PDIA6: variants seen among roughly 807,000 people sequenced by gnomAD.
The protein encoded by PDIA6 is protein disulfide-isomerase A6.
In PDIA6, 29 loss-of-function variants were observed where a neutral mutation model predicts 58.4. The ratio of observed to expected loss-of-function variants is 0.50; its 90% CI spans 0.37 to 0.68. The LOEUF (loss-of-function observed/expected upper bound fraction) is 0.68. Ranked by LOEUF, PDIA6 falls within the 30% of genes least tolerant of loss-of-function variation. The pLI is 0.00. For missense variants in PDIA6, 480 were observed against 551.0 expected (o/e 0.87, Z 1.29); for synonymous variants, 192 against 202.6 (o/e 0.95, Z 0.44).
chr2:10,829,753 T>C (rs1433870105), intron 1 of PDIA6, among the ~76,000 whole-genome samples: 2 of 152,240 alleles, frequency 1.3e-5, no homozygotes, highest in East Asian at 1.9e-4. Flanking sequence ...ATATTGACAC[T>C]GTACGTGATT....
intron 2 of PDIA6, chr2:10,819,267 T>A: frequency 6.7e-7 from 1 of 1,502,644 alleles, no homozygotes; most frequent in Non-Finnish European, 9.1e-7. Flanking sequence ...GAGTTTCCTC[T>A]ACTTACCGGG....
At chr2:10,827,822 T>TAAAA (rs1667591328) in intron 1 of PDIA6, among the ~76,000 whole-genome samples, 1 of 65,880 alleles carries the variant, frequency 1.5e-5, no homozygotes, top group African/African-American at 5.6e-5. Context: ...CGACTCTGTC[T>TAAAA]CAAAAAAAAA....
intron 1 of PDIA6, among the ~76,000 whole-genome samples, chr2:10,806,624 A>AAGAGAGAGAGAGAGAG (rs1553339911): frequency 7.2e-6 from 1 of 139,676 alleles, no homozygotes; most frequent in African/African-American, 2.5e-5. Context: ...CTAAAAAATA[A>AAGAGAGAGAGAGAGAG]AGACAGAAAG....
exon 1 of PDIA6, chr2:10,832,299 A>G: frequency 1.9e-6 from 1 of 538,590 alleles, no homozygotes; most frequent in African/African-American, 2.1e-5. Flanking sequence ...AATGCCCATC[A>G]GCAGTGGAAG....
chr2:10,832,505 CCGCAAGGGGG>C, upstream of PDIA6: 1 of 895,442 alleles, frequency 1.1e-6, no homozygotes, highest in South Asian at 5.1e-5. Context: ...CAGGAAGTGA[CCGCAAGGGGG>C]CGCTCTGCCC....
In PDIA6 at chr2:10,830,746, G is replaced by A. The variant is rs1224228828; in HGVS notation, c.-48+1456C>T. On this transcript the variant is annotated intron_variant, in intron 1 of 13. Transcript: ENST00000381611. Reference sequence around the variant, plus strand: ...AACTGAACTGCCCCTCCAGGCCCTCGGGTCACCCCCTGCGCGGGCGTGGCT... The same window carrying A: ...AACTGAACTGCCCCTCCAGGCCCTCAGGTCACCCCCTGCGCGGGCGTGGCT... Among the ~76,000 whole-genome samples, 5 of 152,304 alleles carry A rather than the reference G, an allele frequency of 3.3e-5. No homozygotes were observed. In the East Asian group the frequency reaches 7.7e-4, roughly 24 times the overall value.
intron 1 of PDIA6, chr2:10,821,171 C>T (rs7571007): frequency 0.13 from 35,382 of 276,330 alleles, 2,668 homozygotes; most frequent in Non-Finnish European, 0.16. Context: ...CCTTCCTTCC[C>T]CCTCTCTTAC....
At chr2:10,796,670 A>G (rs1276765818) in intron 4 of PDIA6, among the ~76,000 whole-genome samples, 1 of 146,554 alleles carries the variant, frequency 6.8e-6, no homozygotes, top group Non-Finnish European at 1.5e-5. Flanking sequence ...TATTATTGAC[A>G]GTTTAGGAGA....
upstream of PDIA6, among the ~76,000 whole-genome samples, chr2:10,835,887 C>G (rs1667822633): frequency 6.6e-6 from 1 of 152,150 alleles, no homozygotes; most frequent in African/African-American, 2.4e-5. Context: ...CCCGTCTCTA[C>G]TAAAAATACA....
At position 10,788,901 on chromosome 2, in the gene PDIA6, A is replaced by G. The variant is rs143264920; in HGVS notation, c.921T>C (p.Asp307=). 29 of 1,612,592 alleles carry G rather than the reference A, an allele frequency of 1.8e-5. No homozygotes were observed. The highest frequency in any genetic ancestry group is 1.6e-4 in the Middle Eastern group (1 of 6,062). ...CVVAVLPHIL[D]TGAAGRNSYL... ...AATCATTTCCGTCTGTCTTACCAGT[A>G]TCAAGGATATGGGGCAGCACAGCCA... The change falls in exon 9 of 13, where the codon GAT becomes GAC. Residue 307 remains aspartate (D), a synonymous_variant. Coordinates refer to ENST00000272227, the MANE Select transcript of PDIA6 (RefSeq NM_005742.4).
upstream of PDIA6, among the ~76,000 whole-genome samples, chr2:10,813,373 G>A (rs927853507): frequency 1.3e-5 from 2 of 152,214 alleles, no homozygotes; most frequent in African/African-American, 4.8e-5. Flanking sequence ...AGAACCCCAG[G>A]GACTTAAGCG....
intron 7 of PDIA6, 23 bp downstream of exon 7, chr2:10,790,696 A>T (rs1485535821): frequency 6.6e-7 from 1 of 1,511,996 alleles, no homozygotes; most frequent in Non-Finnish European, 9.2e-7. Flanking sequence ...TCACAATGAA[A>T]TGAGCCTTAT....
upstream of PDIA6, among the ~76,000 whole-genome samples, chr2:10,834,764 T>C (rs989884170): frequency 1.8e-5 from 2 of 112,754 alleles, no homozygotes; most frequent in African/African-American, 3.3e-5. Flanking sequence ...CCTTCCTTCC[T>C]TCCTTCCTTC....
In PDIA6 at chr2:10,791,859, C is replaced by G. The variant is rs1327024954; in HGVS notation, c.520G>C (p.Val174Leu). 2 of 1,614,158 alleles carry G rather than the reference C, an allele frequency of 1.2e-6. No individual in the cohort carries two copies. The highest frequency in any genetic ancestry group is 8.5e-7 in the Non-Finnish European group (1 of 1,179,972). ...ATCCAAACATCTTCACTGTCCAGAACATTCTTATCAAAGCTGTCGTCTGTC... is the reference window on the plus strand; with the variant it reads ...ATCCAAACATCTTCACTGTCCAGAAGATTCTTATCAAAGCTGTCGTCTGTC... The part of the protein sequence containing the change: ...ELTDDSFDKN[V>L]LDSEDVWMVE... Residue 174 changes from valine (V) to leucine (L), a missense_variant, in exon 6 of 13, where the codon GTT becomes CTT. Physicochemically the swap from Val to Leu is conservative, Grantham distance 32 (BLOSUM62 1). Transcript: ENST00000272227.
chr2:10,793,024 C>T (rs931946652), intron 5 of PDIA6, 72 bp downstream of exon 5: 20 of 951,182 alleles, frequency 2.1e-5, no homozygotes, highest in Middle Eastern at 2.1e-4. Flanking sequence ...TAAAAAACAA[C>T]TATCTTATAC....
intron 6 of PDIA6, among the ~76,000 whole-genome samples, 177 bp downstream of exon 6, chr2:10,791,618 A>G (rs1424733621): frequency 6.6e-6 from 1 of 152,238 alleles, no homozygotes; most frequent in Non-Finnish European, 1.5e-5. Flanking sequence ...ATCTTTGGCA[A>G]TAGGAGAGTG....
At chr2:10,803,911 G>GTTT (rs754643092) in intron 1 of PDIA6, among the ~76,000 whole-genome samples, 2 of 117,906 alleles carry the variant, frequency 1.7e-5, no homozygotes, top group South Asian at 3.2e-4. Context: ...TAGTTTTTGT[G>GTTT]TTTTTTTTTT....
rs1553339909 is a variant in PDIA6, at chr2:10,806,622, T to TAAAGACAAAGAAAGACAG, written c.20-3983_20-3982insCTGTCTTTCTTTGTCTTT. Among the ~76,000 whole-genome samples, 3 of 48,750 alleles carry TAAAGACAAAGAAAGACAG rather than the reference T, an allele frequency of 6.2e-5. No homozygotes were observed. In the Admixed American group the frequency reaches 7.6e-4, roughly 12 times the overall value. 32.0% of individuals were successfully genotyped at this position (48,750 alleles called of 152,430 possible). On this transcript the variant is annotated intron_variant, in intron 1 of 12. Transcript: ENST00000272227. The stretch of plus-strand genomic sequence containing the variant: ...TAGCAAAACCACATCTCCTAAAAAA[T>TAAAGACAAAGAAAGACAG]AAAGACAGAAAGAAAGAAAGAAAGA...
At chr2:10,815,157 CGGAAATGCACAGGCTTCT>C (rs1454497042), upstream of PDIA6, among the ~76,000 whole-genome samples, 2 of 79,180 alleles carry the variant, frequency 2.5e-5, no homozygotes, top group African/African-American at 1.1e-4. Flanking sequence ...CACAGGCCTC[CGGAAATGCACAGGCTTCT>C]GGAAATGCAC....
Sources: gnomAD v4.1 joint callset for allele counts (sites outside exome capture counted in the v4.1 genomes callset) on GRCh38, gnomAD v4.1.1 for gene constraint, MANE v1.5 for transcripts, NCBI Gene and HGNC (gene_info 2026-07-23, HGNC 2026-07-21) for gene names.